RBM41: variants seen among roughly 807,000 people sequenced by gnomAD.
RBM41 encodes RNA binding motif protein 41, also known as RNA-binding protein 41.
In RBM41, 14 loss-of-function variants were observed where a neutral mutation model predicts 30.8. The observed-to-expected ratio is 0.45, with a 90% CI of 0.30 to 0.71. RBM41 has a LOEUF of 0.71. Among genes scored for constraint, RBM41 ranks in the 30% least tolerant of loss-of-function variants. The pLI is 0.08. For synonymous variants in RBM41, 120 were observed against 110.1 expected, an observed-to-expected ratio of 1.09 and a Z score of -0.56; for missense variants, 276 against 326.3, an observed-to-expected ratio of 0.85 and a Z score of 1.19.
downstream of RBM41, among the ~76,000 whole-genome samples, chrX:107,057,181 C>A (rs991247678): frequency 5.1e-4 from 57 of 110,710 alleles, no homozygotes; most frequent in Admixed American, 4.0e-3. Flanking sequence ...TAGCTATAAT[C>A]TTTACTATTT....
intron 5 of RBM41, among the ~76,000 whole-genome samples, chrX:107,105,599 A>G (rs756072710): frequency 9.0e-6 from 1 of 111,292 alleles, no homozygotes; most frequent in African/African-American, 3.3e-5. Context: ...GAGGCATCAC[A>G]CTACCTGACT....
At position 107,064,154 on chromosome X, in the gene RBM41, T is replaced by C. The variant is rs967800563; in HGVS notation, c.*3373A>G. ...TTTTAGTAGAGACAGGGTTTCACCA[T>C]GTTACCCAGAATGGTCTCGATCTCC... On this transcript the variant is annotated 3_prime_UTR_variant, in exon 8 of 8. Coordinates refer to ENST00000685964, the MANE Select transcript of RBM41 (RefSeq NM_001324242.2). Among the ~76,000 whole-genome samples, 27 of 109,520 alleles carry C rather than the reference T, an allele frequency of 2.5e-4. No individual in the cohort carries two copies. Among genetic ancestry groups the C allele is most frequent in the African/African-American group, 8.6e-4 (26 of 30,148 alleles).
chrX:107,101,258 C>T (rs1923434948), intron 5 of RBM41, among the ~76,000 whole-genome samples: 1 of 111,430 alleles, frequency 9.0e-6, no homozygotes, highest in Admixed American at 9.5e-5. Context: ...GTTTTAAGTG[C>T]TGTTTGTCAT....
chrX:107,071,207 C>T (rs771439759), intron 6 of RBM41, among the ~76,000 whole-genome samples: 3 of 58,964 alleles, frequency 5.1e-5, no homozygotes, highest in East Asian at 9.3e-4. Flanking sequence ...TATATCACTA[C>T]AAAAAAAAAA....
intron 5 of RBM41, among the ~76,000 whole-genome samples, chrX:107,093,441 C>T (rs1450423511): frequency 9.0e-6 from 1 of 111,662 alleles, no homozygotes; most frequent in East Asian, 2.8e-4. Flanking sequence ...CTGTAAGAAA[C>T]GGGAAAACAC....
Position 107,063,585 on chromosome X carries a change from T to G in RBM41, c.*3942A>C, listed in dbSNP as rs373799714. On this transcript the variant is annotated 3_prime_UTR_variant, in exon 8 of 8. Coordinates refer to ENST00000685964, the MANE Select transcript of RBM41 (RefSeq NM_001324242.2). ...CTTCTGAGTTGGTTTTGGTAGTTTGTGTCTTCCTAGGAATTTGTCCACTTC... is the reference window on the plus strand; with the variant it reads ...CTTCTGAGTTGGTTTTGGTAGTTTGGGTCTTCCTAGGAATTTGTCCACTTC... Among the ~76,000 whole-genome samples the G allele has an allele frequency of 8.9e-6, 1 of 112,424 alleles. No individual in the cohort carries two copies. Among genetic ancestry groups the G allele is most frequent in the East Asian group, 2.8e-4 (1 of 3,609 alleles).
chrX:107,116,965 G>C (rs1924930431), intron 1 of RBM41, among the ~76,000 whole-genome samples, 199 bp from the exon 2 acceptor site: 1 of 112,502 alleles, frequency 8.9e-6, no homozygotes, highest in Non-Finnish European at 1.9e-5. Context: ...TAGGTACTGA[G>C]GGAAGTCAAA....
chrX:107,089,423 T>C (rs947972689), intron 5 of RBM41, among the ~76,000 whole-genome samples: 3 of 112,000 alleles, frequency 2.7e-5, no homozygotes, highest in Non-Finnish European at 5.6e-5. Context: ...TAATCCCTTC[T>C]ATTTCTTGGC....
At position 107,088,429 on chromosome X, in the gene RBM41, C is replaced by T; in HGVS notation, c.999+7G>A. ...ACCCAGGTTGTTTTACTTGGTTTGG[C>T]CTATACCTTGTTTGGTTCCCCTGGA... On this transcript the variant is annotated splice_region_variant and intron_variant, in intron 6 of 7. Transcript: ENST00000685964. The T allele has an allele frequency of 1.7e-6, 2 of 1,206,724 alleles. No homozygotes were observed. The highest frequency in any genetic ancestry group is 2.2e-6 in the Non-Finnish European group (2 of 892,400).
At chrX:107,090,378 C>CA (rs1431667486) in intron 5 of RBM41, among the ~76,000 whole-genome samples, 2 of 110,504 alleles carry the variant, frequency 1.8e-5, no homozygotes, top group Admixed American at 9.6e-5. Context: ...CATCTCAAAA[C>CA]AAAAAAAATG....
At chrX:107,076,225 G>A (rs1193193239) in intron 6 of RBM41, among the ~76,000 whole-genome samples, 1 of 108,990 alleles carries the variant, frequency 9.2e-6, no homozygotes, top group Non-Finnish European at 1.9e-5. Context: ...GCTGTGACAG[G>A]AGAATTACTT....
intron 6 of RBM41, among the ~76,000 whole-genome samples, chrX:107,082,129 T>C (rs1400580256): frequency 3.6e-5 from 4 of 111,833 alleles, no homozygotes. Flanking sequence ...TTCTGTTAAG[T>C]ATAATGTTAG....
chrX:107,097,355 CCCACCCA>C (rs1460500670), intron 5 of RBM41, among the ~76,000 whole-genome samples: 1 of 111,498 alleles, frequency 9.0e-6, no homozygotes, highest in Non-Finnish European at 1.9e-5. Flanking sequence ...GCTCTGTGTC[CCCACCCA>C]AATCTCATCT....
chrX:107,069,671 T>A (rs778717094), intron 6 of RBM41: 129 of 190,879 alleles, frequency 6.8e-4, no homozygotes, highest in African/African-American at 3.6e-3. Flanking sequence ...TCCAGGCTGG[T>A]CTTGAACTCC....
chrX:107,089,979 T>C (rs1309132525), intron 5 of RBM41, among the ~76,000 whole-genome samples: 1 of 112,529 alleles, frequency 8.9e-6, no homozygotes, highest in African/African-American at 3.2e-5. Flanking sequence ...TCATCAACTA[T>C]GTGGTTTCCC....
intron 6 of RBM41, among the ~76,000 whole-genome samples, chrX:107,082,867 C>A (rs1921665367): frequency 9.0e-6 from 1 of 111,116 alleles, no homozygotes; most frequent in Non-Finnish European, 1.9e-5. Context: ...CACTGTTACT[C>A]ATTTCACTTA....
chrX:107,098,980 G>C (rs1202015915), intron 5 of RBM41, among the ~76,000 whole-genome samples: 1 of 109,629 alleles, frequency 9.1e-6, no homozygotes, highest in Non-Finnish European at 1.9e-5. Context: ...GGGTGACAGG[G>C]GAAGACTCTT....
intron 1 of RBM41, among the ~76,000 whole-genome samples, chrX:107,117,140 T>A (rs763634748): frequency 9.0e-6 from 1 of 110,707 alleles, no homozygotes; most frequent in African/African-American, 3.3e-5. Flanking sequence ...GAAGAGAAAA[T>A]TGGGAGATAA....
chrX:107,118,103 T>C (rs1925030808), intron 1 of RBM41, among the ~76,000 whole-genome samples: 1 of 110,974 alleles, frequency 9.0e-6, no homozygotes, highest in Non-Finnish European at 1.9e-5. Context: ...TAAAATTAAT[T>C]TAAGCCCGTC....
Sources: allele counts gnomAD v4.1 joint callset (sites outside exome capture counted in the v4.1 genomes callset), GRCh38; gene constraint gnomAD v4.1.1; transcripts MANE v1.5; gene names NCBI Gene and HGNC (gene_info 2026-07-23, HGNC 2026-07-21).